The following TFCP2L1 variants were observed in gnomAD, a reference collection of about 807,000 sequenced individuals.
The protein encoded by TFCP2L1 is transcription factor CP2-like protein 1.
TFCP2L1 carries 12 observed loss-of-function variants against 72.2 expected under a neutral mutation model. The ratio of observed to expected loss-of-function variants is 0.17; its 90% CI spans 0.11 to 0.27. TFCP2L1 has a LOEUF of 0.27. TFCP2L1 is among the 10% of genes least tolerant of loss of function. The pLI is 1.00. For synonymous variants in TFCP2L1, 260 were observed against 251.0 expected, an observed-to-expected ratio of 1.04 and a Z score of -0.34; for missense variants, 488 against 624.6, an observed-to-expected ratio of 0.78 and a Z score of 2.33.
chr2:121,241,631 G>T (rs1686370169), intron 7 of TFCP2L1, among the ~76,000 whole-genome samples: 1 of 152,206 alleles, frequency 6.6e-6, no homozygotes, highest in Non-Finnish European at 1.5e-5. Flanking sequence ...AAAATAACAA[G>T]TGCTGACACC....
In TFCP2L1 at chr2:121,254,790, G is replaced by A. The variant is rs114164686; in HGVS notation, c.215-5143C>T. Among the ~76,000 whole-genome samples the A allele has an allele frequency of 4.4e-3, 664 of 150,798 alleles. 2 individuals are homozygous for A. Among genetic ancestry groups the A allele is most frequent in the Non-Finnish European group, 7.7e-3 (525 of 67,816 alleles). ...TGCGCTCCAGCCTGGGGGAGAGAGC[G>A]AGACTCCGTTTCAAAAAAAAAAAAA... On this transcript the variant is annotated intron_variant, in intron 2 of 14. Coordinates refer to ENST00000263707, the MANE Select transcript of TFCP2L1 (RefSeq NM_014553.3).
At chr2:121,284,762 A>T (rs1026168796) in intron 1 of TFCP2L1, among the ~76,000 whole-genome samples, 48 of 152,232 alleles carry the variant, frequency 3.2e-4, no homozygotes, top group Non-Finnish European at 5.4e-4. Flanking sequence ...GCGGGCCGGC[A>T]GGTGCGCGCC....
intron 4 of TFCP2L1, 34 bp from the exon 5 acceptor site, chr2:121,248,304 T>C (rs1028508396): frequency 3.2e-6 from 5 of 1,544,704 alleles, no homozygotes; most frequent in South Asian, 1.2e-5. Context: ...GAAAGTGCAA[T>C]TGTCAGCCTC....
intron 6 of TFCP2L1, among the ~76,000 whole-genome samples, chr2:121,243,854 A>T (rs1686428937): frequency 6.6e-6 from 1 of 152,182 alleles, no homozygotes; most frequent in Non-Finnish European, 1.5e-5. Flanking sequence ...ACAGAAATAA[A>T]GTGCACAACA....
chr2:121,234,139 C>T lies in TFCP2L1; in HGVS notation c.1150G>A (p.Val384Met), dbSNP rs959077814. The T allele has an allele frequency of 1.2e-6, 2 of 1,614,162 alleles. No individual in the cohort carries two copies. The highest frequency in any genetic ancestry group is 1.7e-5 in the Admixed American group (1 of 60,032). ...CCGTCCCGCTTCTGCTGCAGGGGCA[C>T]TCGATTCTGCTCCAGCTCCTGACAG... is the stretch of plus-strand genomic sequence containing the variant. ...YVCQELEQNRVPLQQKRDGSG... is the reference protein window; with the variant it reads ...YVCQELEQNRMPLQQKRDGSG... The change falls in exon 12 of 15, where the codon GTG becomes ATG. Residue 384 changes from valine (V) to methionine (M), a missense_variant. By Grantham distance (21) the Val-to-Met change is conservative. Transcript: ENST00000263707.
chr2:121,229,310 A>G (rs1017958563), intron 13 of TFCP2L1, among the ~76,000 whole-genome samples: 5 of 152,202 alleles, frequency 3.3e-5, no homozygotes, highest in Non-Finnish European at 7.3e-5. Flanking sequence ...CAAACTTAAC[A>G]GAAACTATTC....
intron 12 of TFCP2L1, 46 bp downstream of exon 12, chr2:121,234,045 T>G: frequency 6.5e-7 from 1 of 1,548,724 alleles, no homozygotes; most frequent in Non-Finnish European, 8.9e-7. Context: ...AAAGCCAGGC[T>G]GCGGGACCCA....
intron 2 of TFCP2L1, among the ~76,000 whole-genome samples, chr2:121,255,098 C>A (rs1205863907): frequency 6.6e-6 from 1 of 152,232 alleles, no homozygotes; most frequent in African/African-American, 2.4e-5. Flanking sequence ...CCAGAACCCA[C>A]CACACTTGCC....
rs1685953144 is a variant in TFCP2L1 at position 121,222,877 on chromosome 2, G to A, written c.*1464C>T. The stretch of plus-strand genomic sequence containing the variant: ...CAGGAGCCTGTCCTCACTCTGTTCT[G>A]TAGGAATGCCACGGCTATTACCCAA... On this transcript the variant is annotated 3_prime_UTR_variant, in exon 15 of 15. Coordinates refer to ENST00000263707, the MANE Select transcript of TFCP2L1 (RefSeq NM_014553.3). 6.6e-6 allele frequency: 1 copy of A among 152,174 alleles called. No homozygotes were observed. The highest frequency in any genetic ancestry group is 6.5e-5 in the Admixed American group (1 of 15,284). The allele number at this position is 152,174 out of a possible 1,614,324, so 9.4% of individuals were successfully genotyped here. A position where few individuals can be genotyped will look rare whatever the true frequency, so the allele number is the denominator to read the frequency against.
chr2:121,270,525 C>T (rs759246101), intron 2 of TFCP2L1, among the ~76,000 whole-genome samples: 6 of 152,108 alleles, frequency 3.9e-5, no homozygotes, highest in African/African-American at 1.2e-4. Context: ...TAGATGTTCA[C>T]GGATTACTAG....
intron 2 of TFCP2L1, among the ~76,000 whole-genome samples, chr2:121,278,918 T>A (rs953441306): frequency 1.4e-5 from 2 of 145,398 alleles, no homozygotes; most frequent in African/African-American, 5.1e-5. Flanking sequence ...GCAGGAGAAT[T>A]GCTTGAACCC....
At chr2:121,231,121 C>G (rs764607538) in intron 13 of TFCP2L1, among the ~76,000 whole-genome samples, 1 of 152,088 alleles carries the variant, frequency 6.6e-6, no homozygotes, top group African/African-American at 2.4e-5. Context: ...ATAATAACAC[C>G]CACATCATAT....
At chr2:121,242,703 C>T (rs1157956722) in intron 6 of TFCP2L1, among the ~76,000 whole-genome samples, 1 of 152,168 alleles carries the variant, frequency 6.6e-6, no homozygotes, top group African/African-American at 2.4e-5. Flanking sequence ...TTTCCCATGG[C>T]CACTCGCTTA....
intron 1 of TFCP2L1, among the ~76,000 whole-genome samples, chr2:121,282,864 G>A (rs1687292868): frequency 6.6e-6 from 1 of 152,152 alleles, no homozygotes; most frequent in Admixed American, 6.5e-5. Flanking sequence ...CATCAATTTT[G>A]AGAAGAAAAA....
intron 2 of TFCP2L1, among the ~76,000 whole-genome samples, chr2:121,261,747 G>T (rs2713205): frequency 1.3e-5 from 2 of 151,952 alleles, no homozygotes; most frequent in Middle Eastern, 3.4e-3. Flanking sequence ...AAAAAGCAAA[G>T]GGTAAACAGT....
In TFCP2L1 at chr2:121,231,853, C is replaced by G; in HGVS notation, c.1314G>C (p.Thr438=). The change falls in exon 13 of 15, where the codon ACG becomes ACC. Residue 438 remains threonine (T), a synonymous_variant. Transcript: ENST00000263707. ...HIHRVYRQGP[T]GIHVVVSNEM... ...CGTTGCTCACCACCACATGGATGCC[C>G]GTGGGGCCCTGCCGGTAGACTCGGT... is the stretch of plus-strand genomic sequence containing the variant. 1 of 1,613,042 alleles carries G rather than the reference C, an allele frequency of 6.2e-7. No individual in the cohort carries two copies. The highest frequency in any genetic ancestry group is 8.5e-7 in the Non-Finnish European group (1 of 1,179,484).
chr2:121,235,906 G>A (rs1189808888), intron 10 of TFCP2L1, among the ~76,000 whole-genome samples: 2 of 151,902 alleles, frequency 1.3e-5, no homozygotes, highest in South Asian at 2.1e-4. Context: ...TAGGCCCCTC[G>A]TACCAGCCAC....
chr2:121,235,298 C>G lies in TFCP2L1; in HGVS notation c.1017G>C (p.Leu339=). 6.2e-7 allele frequency: 1 copy of G among 1,614,086 alleles called. No individual in the cohort carries two copies. The highest frequency in any genetic ancestry group is 2.2e-5 in the East Asian group (1 of 44,880). The change falls in exon 11 of 15, where the codon CTG becomes CTC. Residue 339 remains leucine (L), a synonymous_variant. Transcript: ENST00000263707. ...LFASFSGADL[L]KMSRDDLVQI... ...GGACCAAATCATCTCGGGACATCTT[C>G]AGCAAGTCAGCACCTAGGCAGGAAA...
At chr2:121,280,280 C>G (rs1687229439) in intron 2 of TFCP2L1, among the ~76,000 whole-genome samples, 1 of 151,816 alleles carries the variant, frequency 6.6e-6, no homozygotes, top group Middle Eastern at 3.2e-3. Context: ...TCCCTCAGGA[C>G]ATGGTGAGGG....
Sources: allele counts gnomAD v4.1 joint callset (sites outside exome capture counted in the v4.1 genomes callset), GRCh38; gene constraint gnomAD v4.1.1; transcripts MANE v1.5; gene names NCBI Gene and HGNC (gene_info 2026-07-23, HGNC 2026-07-21).